DSN1: variants seen among roughly 807,000 people sequenced by gnomAD.
The protein encoded by DSN1 is DSN1 component of MIS12 kinetochore complex, also known as kinetochore-associated protein DSN1 homolog.
In DSN1, 31 loss-of-function variants were observed where a neutral mutation model predicts 45.7. The ratio of observed to expected loss-of-function variants is 0.68; its 90% CI spans 0.51 to 0.92. DSN1 has a LOEUF of 0.92. Among genes scored for constraint, DSN1 ranks in the 40% least tolerant of loss-of-function variants. The pLI, the probability that DSN1 is intolerant of heterozygous loss-of-function variation, is 0.00. For synonymous variants in DSN1, 134 were observed against 142.3 expected, an observed-to-expected ratio of 0.94 and a Z score of 0.41; for missense variants, 394 against 414.2, an observed-to-expected ratio of 0.95 and a Z score of 0.42.
chr20:36,762,377 T>G (rs1987043983), intron 6 of DSN1, 84 bp downstream of exon 6: 1 of 1,269,852 alleles, frequency 7.9e-7, no homozygotes, highest in Non-Finnish European at 1.1e-6. Flanking sequence ...CCCAAAGTGC[T>G]GGGATTACAG....
At chr20:36,769,638 T>C (rs951798133) in intron 3 of DSN1, among the ~76,000 whole-genome samples, 2 of 152,144 alleles carry the variant, frequency 1.3e-5, no homozygotes, top group African/African-American at 4.8e-5. Context: ...GCTTAACATT[T>C]CAGGGCTTAC....
intron 1 of DSN1, chr20:36,773,267 A>G (rs1440169252): frequency 1.6e-6 from 1 of 606,668 alleles, no homozygotes; most frequent in Non-Finnish European, 2.1e-6. Flanking sequence ...CGTAAGCACC[A>G]TTAACTCCAC....
At chr20:36,755,402 G>A (rs1986614742) in intron 9 of DSN1, among the ~76,000 whole-genome samples, 1 of 151,912 alleles carries the variant, frequency 6.6e-6, no homozygotes, top group Non-Finnish European at 1.5e-5. Context: ...CAAGTCTGTT[G>A]AAATGGCACC....
At chr20:36,763,758 A>G (rs1987147554) in intron 5 of DSN1, among the ~76,000 whole-genome samples, 1 of 151,710 alleles carries the variant, frequency 6.6e-6, no homozygotes, top group Admixed American at 6.6e-5. Context: ...GTGGTTGCGC[A>G]TGCCTGTTGT....
chr20:36,758,483 A>C, intron 7 of DSN1, 75 bp downstream of exon 7: 1 of 1,284,778 alleles, frequency 7.8e-7, no homozygotes, highest in Non-Finnish European at 1.1e-6. Context: ...AATGCTTACT[A>C]TTCATTTTTT....
intron 3 of DSN1, among the ~76,000 whole-genome samples, chr20:36,769,902 T>TACACACAC (rs66970744): frequency 1.1e-3 from 127 of 117,326 alleles, no homozygotes; most frequent in African/African-American, 3.7e-3. Flanking sequence ...TCACTGTAGA[T>TACACACAC]ACACACACAC....
intron 7 of DSN1, 110 bp downstream of exon 7, chr20:36,758,448 G>T: frequency 1.1e-6 from 1 of 895,694 alleles, no homozygotes; most frequent in Non-Finnish European, 1.7e-6. Flanking sequence ...TAGTATTGAT[G>T]CACTAATGCT....
chr20:36,764,904 A>T (rs1376693499), intron 5 of DSN1, among the ~76,000 whole-genome samples: 2 of 150,872 alleles, frequency 1.3e-5, no homozygotes, highest in Non-Finnish European at 3.0e-5. Context: ...TAGGAGACAG[A>T]GTGAGACTCC....
At chr20:36,758,313 A>G (rs1419289862) in intron 7 of DSN1, 152 bp from the exon 8 acceptor site, 1 of 786,386 alleles carries the variant, frequency 1.3e-6, no homozygotes, top group Admixed American at 2.6e-5. Flanking sequence ...AATTCAGAGA[A>G]TATTTAATCA....
intron 8 of DSN1, among the ~76,000 whole-genome samples, chr20:36,757,570 C>CCAAAA (rs113632354): frequency 5.1e-4 from 78 of 152,000 alleles, no homozygotes; most frequent in East Asian, 9.7e-4. Context: ...GAGTCTGTCT[C>CCAAAA]CAAAACAAAA....
At chr20:36,766,706 G>A in intron 5 of DSN1, 63 bp downstream of exon 5, 6 of 1,376,818 alleles carry the variant, frequency 4.4e-6, no homozygotes, top group Non-Finnish European at 6.1e-6. Flanking sequence ...CTGTAAATGG[G>A]GATGCTGTGA....
chr20:36,767,138 T>C (rs1987384750), intron 4 of DSN1, among the ~76,000 whole-genome samples: 1 of 151,592 alleles, frequency 6.6e-6, no homozygotes, highest in South Asian at 2.1e-4. Flanking sequence ...ACCCCATCTC[T>C]ACTAAAAATA....
intron 9 of DSN1, 25 bp downstream of exon 9, chr20:36,755,657 A>G (rs767330643): frequency 6.2e-7 from 1 of 1,603,676 alleles, no homozygotes. Flanking sequence ...GGATAACTCA[A>G]CTAAATAAAC....
rs777524503 is a variant in DSN1, at chr20:36,767,973, A to T, written c.425T>A (p.Phe142Tyr). ...KRLGCLLLSS[F>Y]QFSIQKLEPF... ...TCCTAGTTATAAGAACCTTACCTGG[A>T]AACTGGAAAGCAGGAGACAGCCAAG... is the stretch of plus-strand genomic sequence containing the variant. The change falls in exon 4 of 11, where the codon TTC becomes TAC. Residue 142 changes from phenylalanine (F) to tyrosine (Y), a missense_variant. Phe to Tyr is a conservative substitution (Grantham distance 22). Coordinates refer to ENST00000373750, the MANE Select transcript of DSN1 (RefSeq NM_001145315.2). 2 of 1,614,080 alleles carry T rather than the reference A, an allele frequency of 1.2e-6. No homozygotes were observed. The highest frequency in any genetic ancestry group is 2.2e-5 in the South Asian group (2 of 91,068).
chr20:36,764,498 TAGC>T (rs1987204655), intron 5 of DSN1, among the ~76,000 whole-genome samples: 1 of 152,208 alleles, frequency 6.6e-6, no homozygotes, highest in African/African-American at 2.4e-5. Flanking sequence ...TTTACACTAT[TAGC>T]AGAATAGGTA....
At position 36,753,338 on chromosome 20, in the gene DSN1, T is replaced by TA. The variant is rs558345664; in HGVS notation, c.962-442dup. Among the ~76,000 whole-genome samples, 725 of 103,894 alleles carry TA rather than the reference T, an allele frequency of 7.0e-3. 3 individuals are homozygous for TA. Among genetic ancestry groups the TA allele is most frequent in the African/African-American group, 0.018 (492 of 27,658 alleles). 68.2% of individuals were successfully genotyped at this position (103,894 alleles called of 152,430 possible). On this transcript the variant is annotated intron_variant, in intron 10 of 10. Transcript: ENST00000373750. Reference sequence around the variant, plus strand: ...CTGGGCAACAGAGCAAGACCCTGTCTAAAAAAAAAAAAAAAAAGGGTGGCT... The same window carrying TA: ...CTGGGCAACAGAGCAAGACCCTGTCTAAAAAAAAAAAAAAAAAAGGGTGGCT...
chr20:36,762,193 G>A (rs1453829779), intron 6 of DSN1, among the ~76,000 whole-genome samples: 2 of 136,862 alleles, frequency 1.5e-5, no homozygotes, highest in African/African-American at 2.7e-5. Context: ...TGCAAGCTCC[G>A]CATACCGGGT....
At chr20:36,760,871 C>T (rs778267789) in intron 6 of DSN1, among the ~76,000 whole-genome samples, 6 of 152,126 alleles carry the variant, frequency 3.9e-5, no homozygotes, top group African/African-American at 9.6e-5. Context: ...GCCTGGGTGA[C>T]GAGAGCAAAA....
chr20:36,754,657 T>C, intron 10 of DSN1, 106 bp downstream of exon 10: 1 of 819,166 alleles, frequency 1.2e-6, no homozygotes, highest in South Asian at 1.6e-5. Context: ...AATCACCTCA[T>C]ATAGGTCTTA....
Sources: allele counts gnomAD v4.1 joint callset (sites outside exome capture counted in the v4.1 genomes callset), GRCh38; gene constraint gnomAD v4.1.1; transcripts MANE v1.5; gene names NCBI Gene and HGNC (gene_info 2026-07-23, HGNC 2026-07-21).